VRK2: variants seen among roughly 807,000 people sequenced by gnomAD.
VRK2 encodes the protein serine/threonine-protein kinase VRK2.
VRK2 carries 60 observed loss-of-function variants against 57.6 expected under a neutral mutation model. The ratio of observed to expected loss-of-function variants is 1.04; its 90% CI spans 0.85 to 1.29. VRK2 has a LOEUF of 1.29. Among genes scored for constraint, VRK2 ranks in the 50% most tolerant of loss-of-function variants. VRK2 has a pLI of 0.00. For missense variants in VRK2, 705 were observed against 588.1 expected, an observed-to-expected ratio of 1.20 and a Z score of -2.06; for synonymous variants, 231 against 199.2, an observed-to-expected ratio of 1.16 and a Z score of -1.35.
At chr2:57,981,704 T>A (rs1345880005) in intron 1 of VRK2, among the ~76,000 whole-genome samples, 1 of 152,248 alleles carries the variant, frequency 6.6e-6, no homozygotes, top group Admixed American at 6.5e-5. Flanking sequence ...CTTTACATAA[T>A]CCCATATTTC....
chr2:57,958,988 C>G (rs1671673288), intron 1 of VRK2, among the ~76,000 whole-genome samples: 1 of 152,108 alleles, frequency 6.6e-6, no homozygotes, highest in Admixed American at 6.6e-5. Context: ...TAATATAGGC[C>G]TGGATATGTG....
chr2:58,038,688 T>G (rs1674351197), intron 3 of VRK2, among the ~76,000 whole-genome samples: 2 of 152,148 alleles, frequency 1.3e-5, no homozygotes, highest in African/African-American at 4.8e-5. Flanking sequence ...ATATCACACT[T>G]TGTTAAAATG....
chr2:57,935,086 C>G (rs559829965), intron 1 of VRK2, among the ~76,000 whole-genome samples: 2 of 152,092 alleles, frequency 1.3e-5, no homozygotes, highest in East Asian at 3.9e-4. Flanking sequence ...TTTCTTTGGA[C>G]TTGGTTGTGA....
At chr2:57,965,952 T>C (rs1425643147) in intron 1 of VRK2, among the ~76,000 whole-genome samples, 1 of 152,192 alleles carries the variant, frequency 6.6e-6, no homozygotes. Context: ...AGGCCTGCAA[T>C]CTTTCACTCC....
intron 2 of VRK2, among the ~76,000 whole-genome samples, chr2:58,079,665 A>G (rs1444719448): frequency 3.3e-5 from 5 of 152,018 alleles, no homozygotes; most frequent in Admixed American, 1.3e-4. Flanking sequence ...ATTACTTTCA[A>G]TGGCAAAACC....
chr2:58,081,539 A>G (rs1201329981), intron 2 of VRK2, among the ~76,000 whole-genome samples: 1 of 150,998 alleles, frequency 6.6e-6, no homozygotes, highest in African/African-American at 2.4e-5. Context: ...TTGCTCCTCT[A>G]CTGATTTTGG....
intron 8 of VRK2, among the ~76,000 whole-genome samples, chr2:58,127,653 A>G (rs1469971772): frequency 6.6e-6 from 1 of 152,206 alleles, no homozygotes. Context: ...TGTTCTGCAG[A>G]TAGTCACCAT....
In VRK2 at chr2:57,942,226, T is replaced by C. The variant is rs111934640; in HGVS notation, c.-439+34387T>C. 8.1e-4 allele frequency among the ~76,000 whole-genome samples: 123 copies of C among 152,324 alleles called. 1 individual carries two copies. The highest frequency in any genetic ancestry group is 2.8e-3 in the African/African-American group (117 of 41,570). ...ACAGAAAATGTGTTTTACTGACTCA[T>C]TCTGATGCTTCTATTGTCTTCTGTA... On this transcript the variant is annotated intron_variant, in intron 1 of 15. Coordinates refer to the VRK2 transcript ENST00000417641.
At chr2:57,922,105 C>A (rs1329668442) in intron 1 of VRK2, among the ~76,000 whole-genome samples, 1 of 151,942 alleles carries the variant, frequency 6.6e-6, no homozygotes, top group Non-Finnish European at 1.5e-5. Flanking sequence ...TTTCCTAAGG[C>A]TACTTGTGTT....
rs79330193 is a variant in VRK2, at chr2:57,975,693, C to G, written c.-438-49972C>G. 9.6e-3 allele frequency among the ~76,000 whole-genome samples: 1,458 copies of G among 151,934 alleles called. 31 individuals carry two copies. The highest frequency in any genetic ancestry group is 0.034 in the African/African-American group (1,402 of 41,460). On this transcript the variant is annotated intron_variant, in intron 1 of 15. Transcript: ENST00000417641. ...CTACCACCTGTCCCCAACCATGTAC[C>G]CAAGATTCTAAGATTTGGCTCCTAC... is the stretch of plus-strand genomic sequence containing the variant.
chr2:57,955,680 G>A (rs1198325906), intron 1 of VRK2, among the ~76,000 whole-genome samples: 4 of 152,066 alleles, frequency 2.6e-5, no homozygotes, highest in Non-Finnish European at 5.9e-5. Flanking sequence ...GATAGGTGCA[G>A]CAAACCACCA....
chr2:58,151,920 G>C (rs13413187), intron 12 of VRK2, among the ~76,000 whole-genome samples: 1 of 150,728 alleles, frequency 6.6e-6, no homozygotes, highest in Middle Eastern at 3.4e-3. Context: ...TAGTGGCAGA[G>C]CTAACTGCAA....
At chr2:58,067,982 T>G (rs868193907) in intron 2 of VRK2, among the ~76,000 whole-genome samples, 17 of 152,076 alleles carry the variant, frequency 1.1e-4, no homozygotes, top group South Asian at 8.3e-4. Flanking sequence ...CAGCCTGGAG[T>G]GCAGTGGCAC....
chr2:58,118,906 G>C (rs1189596698), intron 7 of VRK2, among the ~76,000 whole-genome samples: 1 of 152,206 alleles, frequency 6.6e-6, no homozygotes, highest in Non-Finnish European at 1.5e-5. Flanking sequence ...GGGGTCACAA[G>C]GTGCTCAGTG....
At chr2:58,059,517 A>G (rs1306976338) in intron 2 of VRK2, among the ~76,000 whole-genome samples, 1 of 151,958 alleles carries the variant, frequency 6.6e-6, no homozygotes, top group Non-Finnish European at 1.5e-5. Context: ...TAGGCCTTTT[A>G]AAGAGTAAAA....
chr2:58,155,003 T>C (rs1347524462), intron 12 of VRK2, among the ~76,000 whole-genome samples: 1 of 152,188 alleles, frequency 6.6e-6, no homozygotes, highest in Admixed American at 6.5e-5. Flanking sequence ...TATTATGGTC[T>C]AACAATATAA....
At chr2:58,054,971 T>G (rs1285559491) in intron 2 of VRK2, among the ~76,000 whole-genome samples, 2 of 152,196 alleles carry the variant, frequency 1.3e-5, no homozygotes, top group African/African-American at 2.4e-5. Flanking sequence ...CAGGTAGATT[T>G]ATCTTTTCTT....
chr2:58,054,858 T>C (rs1335841735), intron 2 of VRK2, among the ~76,000 whole-genome samples: 1 of 152,212 alleles, frequency 6.6e-6, no homozygotes, highest in Non-Finnish European at 1.5e-5. Context: ...GTATTCTCCA[T>C]GAAAAAATAT....
intron 8 of VRK2, among the ~76,000 whole-genome samples, chr2:58,125,952 T>A (rs755718373): frequency 9.8e-4 from 149 of 152,148 alleles, no homozygotes; most frequent in Admixed American, 1.6e-3. Flanking sequence ...AGAAAATAAA[T>A]AATCATTTAG....
Sources: allele counts gnomAD v4.1 joint callset (sites outside exome capture counted in the v4.1 genomes callset), GRCh38; gene constraint gnomAD v4.1.1; transcripts MANE v1.5; gene names NCBI Gene and HGNC (gene_info 2026-07-23, HGNC 2026-07-21).